MFSD12: variants seen among roughly 807,000 people sequenced by gnomAD.
The protein encoded by MFSD12 is major facilitator superfamily domain containing 12.
MFSD12 carries 67 observed loss-of-function variants against 51.2 expected under a neutral mutation model. The ratio of observed to expected loss-of-function variants is 1.31; its 90% CI spans 1.08 to 1.60. The LOEUF is 1.60. MFSD12 is among the 40% of genes most tolerant of loss of function. The probability of loss-of-function intolerance (pLI) is 0.00; values close to 1 mark genes in which losing one functional copy is unlikely to be tolerated. For missense variants in MFSD12, 921 were observed against 673.0 expected (o/e 1.37, Z -4.08); for synonymous variants, 441 against 316.7 (o/e 1.39, Z -4.17).
At chr19:3,540,388 G>C (rs1157444303), downstream of MFSD12, among the ~76,000 whole-genome samples, 2 of 151,654 alleles carry the variant, frequency 1.3e-5, no homozygotes, top group Non-Finnish European at 2.9e-5. Flanking sequence ...CTCCCAAGTA[G>C]CTGGGATTAC....
chr19:3,545,600 T>C (rs1217257139), intron 8 of MFSD12, among the ~76,000 whole-genome samples: 2 of 152,264 alleles, frequency 1.3e-5, no homozygotes, highest in African/African-American at 4.8e-5. Context: ...TCCAGGTTTC[T>C]CTGAGCGTTC....
downstream of MFSD12, chr19:3,539,392 C>T (rs1041171439): frequency 1.4e-5 from 9 of 624,412 alleles, no homozygotes; most frequent in African/African-American, 7.3e-5. Context: ...ATGTGTGTGA[C>T]GTCCCCTCCA....
At chr19:3,540,833 C>T (rs1052275581), downstream of MFSD12, among the ~76,000 whole-genome samples, 5 of 136,738 alleles carry the variant, frequency 3.7e-5, no homozygotes, top group African/African-American at 8.4e-5. Flanking sequence ...GAGCCGAGAT[C>T]GTGCCACTGG....
intron 2 of MFSD12, 150 bp downstream of exon 2, chr19:3,550,834 C>G (rs1376330135): frequency 1.5e-6 from 1 of 673,296 alleles, no homozygotes; most frequent in East Asian, 2.7e-5. Flanking sequence ...GCCTGGGCAA[C>G]AGAGTGAGAC....
At chr19:3,540,902 G>A (rs1256929473), downstream of MFSD12, among the ~76,000 whole-genome samples, 3 of 146,996 alleles carry the variant, frequency 2.0e-5, no homozygotes, top group African/African-American at 2.4e-5. Flanking sequence ...CAGGCGCAGT[G>A]GCTCACGCCT....
chr19:3,543,116 G>T, downstream of MFSD12: 2 of 1,523,348 alleles, frequency 1.3e-6, no homozygotes, highest in Non-Finnish European at 1.8e-6. Context: ...AGTGGCGAGG[G>T]AGGGAGACCC....
rs907033527 is a variant in MFSD12 at position 3,551,294 on chromosome 19, A to C, written c.299-100T>G. The C allele has an allele frequency of 7.5e-6, 7 of 938,828 alleles. No homozygotes were observed. Among genetic ancestry groups the C allele is most frequent in the Non-Finnish European group, 1.1e-5 (7 of 636,858 alleles). 58.2% of individuals were successfully genotyped at this position (938,828 alleles called of 1,614,324 possible). A position where few individuals can be genotyped will look rare whatever the true frequency, so the allele number is the denominator to read the frequency against. ...AGGAGAGAGGGAAACTGAGGCACAG[A>C]TGGAGACGCCCCCCGCATGCACACA... On this transcript the variant is annotated intron_variant, in intron 1 of 9. Coordinates refer to ENST00000355415, the MANE Select transcript of MFSD12 (RefSeq NM_174983.5). The surrounding 1 kb of genome is among the most constrained non-coding windows in gnomAD (Gnocchi z 4.6).
At chr19:3,547,037 A>C (rs1599827933) in intron 6 of MFSD12, among the ~76,000 whole-genome samples, 1 of 152,030 alleles carries the variant, frequency 6.6e-6, no homozygotes, top group Non-Finnish European at 1.5e-5. Flanking sequence ...ACGGGGTTTC[A>C]CCGTGTTAGC....
At chr19:3,538,723 G>A (rs372172449) in exon 5 of MFSD12, 15 of 477,054 alleles carry the variant, frequency 3.1e-5, no homozygotes, top group East Asian at 6.7e-5. Context: ...GTCACAAATC[G>A]TGCTGCTGTG....
intron 2 of MFSD12, among the ~76,000 whole-genome samples, chr19:3,549,852 G>A (rs1313890374): frequency 6.6e-6 from 1 of 151,870 alleles, no homozygotes; most frequent in Non-Finnish European, 1.5e-5. Context: ...GGTACATGGT[G>A]AAACCCCGTG....
chr19:3,543,580 C>T (rs534600028), downstream of MFSD12: 359 of 1,542,858 alleles, frequency 2.3e-4, 2 homozygotes, highest in African/African-American at 8.0e-4. Flanking sequence ...TGCGGGAGAC[C>T]GCCTGGCATG....
downstream of MFSD12, chr19:3,543,410 T>G (rs1253688116): frequency 1.6e-5 from 25 of 1,547,654 alleles, no homozygotes; most frequent in Non-Finnish European, 2.0e-5. Context: ...GGCCAGCCCC[T>G]TCCGCGAGGC....
Position 3,551,695 on chromosome 19 carries a change from G to A in MFSD12, c.299-501C>T, listed in dbSNP as rs1306109086. 5.3e-5 allele frequency among the ~76,000 whole-genome samples: 8 copies of A among 152,130 alleles called. No homozygotes were observed. Among genetic ancestry groups the A allele is most frequent in the Non-Finnish European group, 1.0e-4 (7 of 68,020 alleles). On this transcript the variant is annotated intron_variant, in intron 1 of 9. Coordinates refer to ENST00000355415, the MANE Select transcript of MFSD12 (RefSeq NM_174983.5). The surrounding 1 kb of genome is among the most constrained non-coding windows in gnomAD (Gnocchi z 4.6). ...GCACCCGCCCCCACCTGAGATCTGC[G>A]GTGGCAAGGCCTGGCTCTTCACATC...
intron 4 of MFSD12, 112 bp from the exon 5 acceptor site, chr19:3,547,659 T>G (rs529299274): frequency 3.4e-6 from 4 of 1,185,664 alleles, no homozygotes; most frequent in East Asian, 5.1e-5. Context: ...ATTTGATCCA[T>G]TGGTAGTGAC....
chr19:3,552,737 G>A (rs574781196), intron 1 of MFSD12, among the ~76,000 whole-genome samples: 87 of 152,050 alleles, frequency 5.7e-4, no homozygotes, highest in Non-Finnish European at 9.1e-4. Context: ...CTCCTGCCTC[G>A]GCCTCCCAAA....
downstream of MFSD12, chr19:3,543,342 A>C: frequency 1.3e-6 from 2 of 1,549,576 alleles, no homozygotes; most frequent in Non-Finnish European, 1.7e-6. Context: ...CAGCTGTGGT[A>C]CACAGGCCTG....
chr19:3,546,713 A>G (rs961125204), intron 6 of MFSD12, among the ~76,000 whole-genome samples: 1 of 152,250 alleles, frequency 6.6e-6, no homozygotes, highest in African/African-American at 2.4e-5. Flanking sequence ...CCCCACGGCC[A>G]CATTTCAAGC....
intron 8 of MFSD12, 39 bp from the exon 9 acceptor site, chr19:3,544,978 A>C: frequency 1.3e-6 from 2 of 1,563,620 alleles, no homozygotes; most frequent in Non-Finnish European, 1.7e-6. Flanking sequence ...CACCGCGGGT[A>C]CCACCCCCCC....
At chr19:3,546,019 C>A in intron 8 of MFSD12, 55 bp downstream of exon 8, 3 of 1,574,738 alleles carry the variant, frequency 1.9e-6, no homozygotes, top group South Asian at 2.2e-5. Flanking sequence ...ACACAGCAGG[C>A]GCTTAATCCC....
Sources: allele counts gnomAD v4.1 joint callset (sites outside exome capture counted in the v4.1 genomes callset), GRCh38; gene constraint gnomAD v4.1.1; non-coding constraint Gnocchi (gnomAD v3.1); transcripts MANE v1.5; gene names NCBI Gene and HGNC (gene_info 2026-07-23, HGNC 2026-07-21).